The following TRIO variants were observed in gnomAD, a reference collection of about 807,000 sequenced individuals.
The protein encoded by TRIO is triple functional domain protein.
A neutral mutation model predicts 351.9 loss-of-function variants in TRIO; 58 were observed. The ratio of observed to expected loss-of-function variants is 0.16; its 90% confidence interval spans 0.13 to 0.21. The LOEUF (loss-of-function observed/expected upper bound fraction) is 0.21. TRIO is among the 10% of genes least tolerant of loss of function. The probability of loss-of-function intolerance (pLI) is 1.00; values close to 1 mark genes in which losing one functional copy is unlikely to be tolerated. For synonymous variants in TRIO, 1,758 were observed against 1,595.7 expected (o/e 1.10, Z -2.42); for missense variants, 3,201 against 4,027.8 (o/e 0.79, Z 5.56).
Position 14,461,272 on chromosome 5 carries a change from C to A in TRIO, c.5457C>A (p.Asp1819Glu). The change falls in exon 35 of 57, where the codon GAC (aspartate) becomes GAA (glutamate). Residue 1819 changes from aspartate (D) to glutamate (E), a missense_variant. Coordinates refer to ENST00000344204, the MANE Select transcript of TRIO (RefSeq NM_007118.4). ...SADAGSQKDS[D>E]DSAATPQDET... ...ACGCCGGCTCGCAGAAGGACTCCGA[C>A]GACAGTGCGGCCACCCCGCAGGACG... 1.3e-6 allele frequency: 2 copies of A among 1,596,464 alleles called. No homozygotes were observed. Among genetic ancestry groups the A allele is most frequent in the African/African-American group, 1.3e-5 (1 of 74,824 alleles).
chr5:14,405,916 C>T lies in TRIO; in HGVS notation c.4785C>T (p.Ile1595=), dbSNP rs372920972. The T allele has an allele frequency of 2.7e-5, 43 of 1,613,884 alleles. No individual in the cohort carries two copies. The highest frequency in any genetic ancestry group is 3.6e-5 in the Non-Finnish European group (42 of 1,179,968). The part of the protein sequence containing the change: ...HIREVIQERT[I]HLKGALKEPI... The stretch of plus-strand genomic sequence containing the variant: ...GCGAAGTCATCCAGGAGCGGACGAT[C>T]CACCTGAAGGGAGCCCTGAAGGAGC... Residue 1595 remains isoleucine (I), a synonymous_variant, in exon 32 of 57, where the codon ATC becomes ATT. Transcript: ENST00000344204.
At chr5:14,262,835 G>C (rs905537213) in intron 1 of TRIO, among the ~76,000 whole-genome samples, 5 of 152,058 alleles carry the variant, frequency 3.3e-5, no homozygotes, top group Admixed American at 3.3e-4. Flanking sequence ...AGGCAGGGTT[G>C]GATGTTCAGG....
intron 1 of TRIO, among the ~76,000 whole-genome samples, chr5:14,176,170 T>C (rs773237822): frequency 7.9e-5 from 12 of 152,094 alleles, no homozygotes; most frequent in Non-Finnish European, 1.2e-4. Context: ...CAGTTCATTC[T>C]TTCTTTAAAG....
intron 1 of TRIO, among the ~76,000 whole-genome samples, chr5:14,151,847 T>C (rs1438798224): frequency 6.6e-6 from 1 of 152,212 alleles, no homozygotes; most frequent in Non-Finnish European, 1.5e-5. Flanking sequence ...CATTTTCTTA[T>C]TTGTGTTTAC....
chr5:14,355,560 TC>T (rs1419849469), intron 11 of TRIO, among the ~76,000 whole-genome samples: 1 of 152,248 alleles, frequency 6.6e-6, no homozygotes, highest in Non-Finnish European at 1.5e-5. Context: ...TAAATCCAGA[TC>T]GCCTTACTCT....
chr5:14,283,241 T>C (rs1287329632), intron 3 of TRIO, among the ~76,000 whole-genome samples: 2 of 152,210 alleles, frequency 1.3e-5, no homozygotes, highest in Admixed American at 1.3e-4. Flanking sequence ...GCTGTACATT[T>C]GTGTGTATGT....
chr5:14,213,655 C>T (rs26114), intron 1 of TRIO, among the ~76,000 whole-genome samples: 39,587 of 152,156 alleles, frequency 0.26, 5,398 homozygotes, highest in East Asian at 0.45. Context: ...TAAGCTGTCA[C>T]ATTAAGCACA....
chr5:14,329,494 C>T (rs1740708077), intron 9 of TRIO, among the ~76,000 whole-genome samples: 1 of 152,206 alleles, frequency 6.6e-6, no homozygotes, highest in Non-Finnish European at 1.5e-5. Context: ...CTTCACCAGT[C>T]ACTGAGTCTC....
At chr5:14,264,950 A>G (rs887427615) in intron 1 of TRIO, among the ~76,000 whole-genome samples, 2 of 152,366 alleles carry the variant, frequency 1.3e-5, no homozygotes, top group South Asian at 4.1e-4. Flanking sequence ...GGTAATTACC[A>G]CTAAGACCCA....
Position 14,262,499 on chromosome 5 carries a change from T to C in TRIO, c.158-8326T>C, listed in dbSNP as rs542328532. Among the ~76,000 whole-genome samples the C allele has an allele frequency of 4.6e-5, 7 of 152,136 alleles. 1 individual carries two copies. The highest frequency in any genetic ancestry group is 7.2e-5 in the African/African-American group (3 of 41,504). On this transcript the variant is annotated intron_variant, in intron 1 of 56. Transcript: ENST00000344204. ...TGTAGTTGCGGGCACCAAGAAACCA[T>C]TGAAGAATTTTAGGGGAGTAAAATG...
At chr5:14,290,081 T>G (rs1312432283) in intron 4 of TRIO, among the ~76,000 whole-genome samples, 1 of 152,240 alleles carries the variant, frequency 6.6e-6, no homozygotes, top group Non-Finnish European at 1.5e-5. Context: ...TTTTATAAAT[T>G]CATTCATATC....
At chr5:14,180,993 A>G (rs2152137415) in intron 1 of TRIO, among the ~76,000 whole-genome samples, 1 of 152,346 alleles carries the variant, frequency 6.6e-6, no homozygotes, top group South Asian at 2.1e-4. Flanking sequence ...TATAAAGAAC[A>G]TGCAAGAAAA....
chr5:14,474,190 T>C (rs532978882), intron 40 of TRIO, 93 bp downstream of exon 40: 2 of 1,233,556 alleles, frequency 1.6e-6, no homozygotes, highest in East Asian at 4.8e-5. Flanking sequence ...ATTCTGTTCA[T>C]CGTATTACCT....
chr5:14,414,837 A>T (rs1410411570), intron 33 of TRIO, among the ~76,000 whole-genome samples: 1 of 152,172 alleles, frequency 6.6e-6, no homozygotes, highest in Non-Finnish European at 1.5e-5. Context: ...CCTGTTGTTC[A>T]CGTTAGAACA....
chr5:14,396,921 C>A, intron 28 of TRIO, 122 bp from the exon 29 acceptor site: 1 of 743,268 alleles, frequency 1.3e-6, no homozygotes, highest in Non-Finnish European at 2.2e-6. Flanking sequence ...GAACATATGC[C>A]CAGTTGACCA....
chr5:14,339,279 T>A (rs2152321322), intron 11 of TRIO, among the ~76,000 whole-genome samples: 1 of 152,320 alleles, frequency 6.6e-6, no homozygotes, highest in South Asian at 2.1e-4. Context: ...TCGTTTGGGC[T>A]CATTGGCTTT....
Position 14,462,856 on chromosome 5 carries a change from C to T in TRIO, c.5598C>T (p.Ala1866=), listed in dbSNP as rs771403243. 133 of 1,612,912 alleles carry T rather than the reference C, an allele frequency of 8.2e-5. No homozygotes were observed. Among genetic ancestry groups the T allele is most frequent in the Non-Finnish European group, 1.1e-4 (126 of 1,179,552 alleles). ...GEEEGEEGAD[A]VPLPPPMAIQ... ...AGGAAGGCGAGGAGGGGGCCGACGC[C>T]GTGCCCCTGCCGCCACCCATGGCCA... The change falls in exon 36 of 57, where the codon GCC becomes GCT. Residue 1866 remains alanine, a synonymous_variant. Coordinates refer to ENST00000344204, the MANE Select transcript of TRIO (RefSeq NM_007118.4).
In TRIO at chr5:14,278,862, C is replaced by T. The variant is rs571698023; in HGVS notation, c.233-1460C>T. Among the ~76,000 whole-genome samples the T allele has an allele frequency of 5.9e-5, 9 of 152,334 alleles. No homozygotes were observed. In the South Asian group the frequency reaches 1.9e-3, roughly 32 times the overall value. On this transcript the variant is annotated intron_variant, in intron 2 of 56. Coordinates refer to ENST00000344204, the MANE Select transcript of TRIO (RefSeq NM_007118.4). ...ACCCGTTATTTAGTTATCTCTGTGA[C>T]ATTTTTACTACTAAAAAAGAAGTAA...
intron 34 of TRIO, among the ~76,000 whole-genome samples, chr5:14,460,232 A>G (rs1437409340): frequency 6.6e-6 from 1 of 152,190 alleles, no homozygotes; most frequent in Non-Finnish European, 1.5e-5. Context: ...ATTTCTTTTT[A>G]AAATGTGGTG....
Sources: allele counts gnomAD v4.1 joint callset (sites outside exome capture counted in the v4.1 genomes callset), GRCh38; gene constraint gnomAD v4.1.1; transcripts MANE v1.5; gene names NCBI Gene and HGNC (gene_info 2026-07-23, HGNC 2026-07-21).